The following SHPRH variants were observed in gnomAD, a reference collection of about 807,000 sequenced individuals.
The protein encoded by SHPRH is SNF2 histone linker PHD RING helicase, also known as E3 ubiquitin-protein ligase SHPRH.
A neutral mutation model predicts 202.5 loss-of-function variants in SHPRH; 106 were observed. The observed-to-expected ratio is 0.52, with a 90% CI of 0.45 to 0.62. The LOEUF (loss-of-function observed/expected upper bound fraction) is 0.62, where lower values mean the gene tolerates loss of function less well. Among genes scored for constraint, SHPRH ranks in the 20% least tolerant of loss-of-function variants. SHPRH has a pLI of 0.00. For synonymous variants in SHPRH, 729 were observed against 686.0 expected (o/e 1.06, Z -0.98); for missense variants, 1,710 against 2,020.0 (o/e 0.85, Z 2.94).
At position 145,935,307 on chromosome 6, in the gene SHPRH, T is replaced by G; in HGVS notation, c.2704A>C (p.Arg902=). Residue 902 remains arginine (R), a synonymous_variant, in exon 12 of 30, where the codon AGG becomes CGG. Coordinates refer to ENST00000275233, the MANE Select transcript of SHPRH (RefSeq NM_001042683.3). The stretch of plus-strand genomic sequence containing the variant: ...TCAATCACATCTTTCTTTGCAGACC[T>G]CCACAGTATCTTGGCAATAAAGCTG... ...LYSFIAKILW[R]SAKKDVIDQI... is the part of the protein sequence containing the mutation. 4 of 1,614,080 alleles carry G rather than the reference T, an allele frequency of 2.5e-6. No individual in the cohort carries two copies. The highest frequency in any genetic ancestry group is 3.4e-6 in the Non-Finnish European group (4 of 1,180,000).
chr6:145,911,859 TA>T (rs2128738274), intron 24 of SHPRH, among the ~76,000 whole-genome samples: 1 of 152,268 alleles, frequency 6.6e-6, no homozygotes, highest in East Asian at 1.9e-4. Flanking sequence ...ATACTATTCC[TA>T]CTGTTCTCTA....
intron 13 of SHPRH, 42 bp downstream of exon 13, chr6:145,934,865 A>C (rs375911513): frequency 3.2e-6 from 5 of 1,559,580 alleles, no homozygotes; most frequent in Non-Finnish European, 3.5e-6. Flanking sequence ...ATTGTCTATT[A>C]TGATATACCA....
chr6:145,958,534 A>T (rs1788738636), intron 1 of SHPRH, among the ~76,000 whole-genome samples: 3 of 152,184 alleles, frequency 2.0e-5, no homozygotes, highest in Admixed American at 2.0e-4. Flanking sequence ...TACCTGCCTA[A>T]GGTCTATCCT....
chr6:145,862,449 A>AACAAAAAAACAAAAAC (rs67243210), downstream of SHPRH, among the ~76,000 whole-genome samples: 10 of 151,350 alleles, frequency 6.6e-5, no homozygotes, highest in Middle Eastern at 3.2e-3. Context: ...AAAAAAACAA[A>AACAAAAAAACAAAAAC]AACAACAACA....
In SHPRH at chr6:145,936,620, TC is replaced by T. The variant is rs369763289; in HGVS notation, c.2570-1180del. ...GGGATTACAGGTGTGAGCCACCATG[TC>T]CGGGTTGTAATTTTCTTTATACTTT... On this transcript the variant is annotated intron_variant, in intron 11 of 29. Transcript: ENST00000275233. Among the ~76,000 whole-genome samples the T allele has an allele frequency of 4.9e-3, 739 of 152,112 alleles. 16 individuals are homozygous for T. In the South Asian group the frequency reaches 0.053, roughly 11 times the overall value.
Position 145,921,382 on chromosome 6 carries a change from G to C in SHPRH, c.3793C>G (p.Gln1265Glu). Reference protein sequence around the residue: ...SKLFSNTVKGQTAIFEEMIED... With the variant: ...SKLFSNTVKGETAIFEEMIED... ...ATCATCTCCTCAAATATTGCAGTCT[G>C]GCCTTTGACTCTGAAAACATACCAG... is the stretch of plus-strand genomic sequence containing the variant. The change falls in exon 21 of 30, where the codon CAG (glutamine) becomes GAG (glutamate). Residue 1265 changes from glutamine to glutamate, a missense_variant. Coordinates refer to ENST00000275233, the MANE Select transcript of SHPRH (RefSeq NM_001042683.3). 1.9e-6 allele frequency: 3 copies of C among 1,612,218 alleles called. No individual in the cohort carries two copies. The highest frequency in any genetic ancestry group is 2.5e-6 in the Non-Finnish European group (3 of 1,178,978).
chr6:145,945,967 A>G (rs1276200981), intron 7 of SHPRH, among the ~76,000 whole-genome samples: 3 of 152,106 alleles, frequency 2.0e-5, no homozygotes, highest in Non-Finnish European at 4.4e-5. Flanking sequence ...ATTTCCTAAA[A>G]GATAAATAAA....
chr6:145,941,049 C>G (rs1012184478), intron 10 of SHPRH, among the ~76,000 whole-genome samples: 1 of 152,128 alleles, frequency 6.6e-6, no homozygotes, highest in Non-Finnish European at 1.5e-5. Flanking sequence ...AGTTCAAATA[C>G]GTACAAAATG....
chr6:145,889,459 C>G (rs1781399341), intron 28 of SHPRH, among the ~76,000 whole-genome samples: 2 of 151,982 alleles, frequency 1.3e-5, no homozygotes, highest in Non-Finnish European at 2.9e-5. Flanking sequence ...TATCCCTAAC[C>G]AAAAACCCAA....
chr6:145,924,361 T>A (rs1006379649), intron 17 of SHPRH, among the ~76,000 whole-genome samples: 4 of 151,996 alleles, frequency 2.6e-5, no homozygotes, highest in Non-Finnish European at 4.4e-5. Context: ...AAATGACAAG[T>A]GGTATATATT....
In SHPRH at chr6:145,943,566, G is replaced by A. The variant is rs759262031; in HGVS notation, c.1815C>T (p.Ser605=). 179 of 1,613,932 alleles carry A rather than the reference G, an allele frequency of 1.1e-4. No homozygotes were observed. Among genetic ancestry groups the A allele is most frequent in the East Asian group, 8.9e-5 (4 of 44,866 alleles). Residue 605 remains serine, a synonymous_variant, in exon 9 of 30, where the codon AGC becomes AGT. Coordinates refer to ENST00000275233, the MANE Select transcript of SHPRH (RefSeq NM_001042683.3). ...PDSQGHCPAT[S]DSGITDVAMS... is the part of the protein sequence containing the mutation. Reference sequence around the variant, plus strand: ...TAGCAACATCAGTTATTCCAGAGTCGCTAGTAGCTGGACAGTGACCTTGTG... The same window carrying A: ...TAGCAACATCAGTTATTCCAGAGTCACTAGTAGCTGGACAGTGACCTTGTG...
downstream of SHPRH, among the ~76,000 whole-genome samples, chr6:145,881,176 T>TTTAAA (rs1406334166): frequency 2.0e-5 from 3 of 152,242 alleles, no homozygotes; most frequent in Admixed American, 1.3e-4. Context: ...TTTTTAGTTT[T>TTTAAA]TAAATAAAAA....
At chr6:145,860,341 TTG>T (rs1182143043), downstream of SHPRH, among the ~76,000 whole-genome samples, 3 of 152,046 alleles carry the variant, frequency 2.0e-5, no homozygotes, top group Admixed American at 6.5e-5. Context: ...CAAAAATTTG[TTG>T]TGTTTCTACA....
chr6:145,898,784 C>T (rs571354205), intron 25 of SHPRH, among the ~76,000 whole-genome samples: 6 of 152,200 alleles, frequency 3.9e-5, no homozygotes, highest in African/African-American at 1.4e-4. Context: ...CCTTGAACTT[C>T]CCTGCCTACA....
At chr6:145,882,521 A>T (rs1780654561), downstream of SHPRH, among the ~76,000 whole-genome samples, 2 of 152,248 alleles carry the variant, frequency 1.3e-5, no homozygotes, top group Admixed American at 1.3e-4. Context: ...GATAAAGATC[A>T]GAAACTAAAA....
chr6:145,927,346 C>A, intron 14 of SHPRH, 69 bp from the exon 15 acceptor site: 1 of 1,326,808 alleles, frequency 7.5e-7, no homozygotes, highest in Non-Finnish European at 1.1e-6. Context: ...ATCTAGTTGT[C>A]CATTATTTAA....
intron 11 of SHPRH, among the ~76,000 whole-genome samples, chr6:145,937,231 G>A (rs945790680): frequency 5.3e-5 from 8 of 151,790 alleles, no homozygotes; most frequent in African/African-American, 9.7e-5. Context: ...TGATCCACCC[G>A]CCTCAGCCTC....
chr6:145,896,671 C>T (rs1261753361), intron 25 of SHPRH, among the ~76,000 whole-genome samples: 1 of 151,766 alleles, frequency 6.6e-6, no homozygotes, highest in East Asian at 1.9e-4. Context: ...CAAAACAAGT[C>T]CGAAATCAAG....
chr6:145,911,967 T>C (rs1783534900), intron 24 of SHPRH, among the ~76,000 whole-genome samples: 1 of 152,108 alleles, frequency 6.6e-6, no homozygotes, highest in Non-Finnish European at 1.5e-5. Flanking sequence ...CACTATATTG[T>C]ACTTTATGTA....
Sources: gnomAD v4.1 joint callset for allele counts (sites outside exome capture counted in the v4.1 genomes callset) on GRCh38, gnomAD v4.1.1 for gene constraint, MANE v1.5 for transcripts, NCBI Gene and HGNC (gene_info 2026-07-23, HGNC 2026-07-21) for gene names.